Variants in KCTD21 observed in about 807,000 individuals in gnomAD.
KCTD21 encodes BTB/POZ domain-containing protein KCTD21.
KCTD21 carries 9 observed loss-of-function variants against 13.2 expected under a neutral mutation model. That is an observed-to-expected ratio of 0.68 (90% CI 0.41 to 1.19). The LOEUF is 1.19. KCTD21 is among the 50% of genes most tolerant of loss of function. KCTD21 has a pLI of 0.01. For synonymous variants in KCTD21, 142 were observed against 137.4 expected (o/e 1.03, Z -0.23); for missense variants, 303 against 336.5 (o/e 0.90, Z 0.78).
In KCTD21 at chr11:78,171,449, G is replaced by A. The variant is rs935354061; in HGVS notation, c.*2323C>T. ...TCACTGCTTCTGCAACTTCTCTAAA[G>A]TCAAGCTGCTTGGATTAGGGAGCAC... On this transcript the variant is annotated 3_prime_UTR_variant, in exon 2 of 2. Transcript: ENST00000340067. The A allele has an allele frequency of 1.3e-5, 2 of 152,634 alleles. No individual in the cohort carries two copies. The highest frequency in any genetic ancestry group is 4.8e-5 in the African/African-American group (2 of 41,448). 9.5% of individuals were successfully genotyped at this position (152,634 alleles called of 1,614,324 possible). A position where few individuals can be genotyped will look rare whatever the true frequency, so the allele number is the denominator to read the frequency against.
At chr11:78,184,207 T>G (rs550544610) in intron 1 of KCTD21, among the ~76,000 whole-genome samples, 146 of 152,366 alleles carry the variant, frequency 9.6e-4, no homozygotes, top group Non-Finnish European at 1.7e-3. Context: ...TCATGGATAG[T>G]AAGACCCTGA....
chr11:78,179,683 A>G (rs230656), intron 1 of KCTD21, among the ~76,000 whole-genome samples: 84,607 of 151,696 alleles, frequency 0.56, 23,921 homozygotes, highest in Admixed American at 0.66. Context: ...TTTCCCTCTC[A>G]TGTCTAACCC....
At chr11:78,184,761 T>TTTC (rs1555082877) in intron 1 of KCTD21, among the ~76,000 whole-genome samples, 1 of 110,462 alleles carries the variant, frequency 9.1e-6, no homozygotes, top group Non-Finnish European at 1.9e-5. Flanking sequence ...AGAATTTTTT[T>TTTC]TTTCTTGAGA....
At chr11:78,177,598 T>C (rs1347292080) in intron 1 of KCTD21, 1 of 152,286 alleles carries the variant, frequency 6.6e-6, no homozygotes, top group African/African-American at 2.4e-5. Context: ...TGTTGCCCTC[T>C]TTGTAGGACT....
rs57748403 is a variant in KCTD21 at position 78,186,371 on chromosome 11, C to CAAAAAAAAAAAAAAAAAA, written c.-30+2184_-30+2201dup. On this transcript the variant is annotated intron_variant, in intron 1 of 1. Coordinates refer to ENST00000340067, the MANE Select transcript of KCTD21 (RefSeq NM_001029859.3). ...TGGGCAACAGAGTAAGACCCTGTCT[C>CAAAAAAAAAAAAAAAAAA]AAAAAAAAAAAAAAAAAAAAAAAAA... 6.5e-5 allele frequency among the ~76,000 whole-genome samples: 3 copies of CAAAAAAAAAAAAAAAAAA among 45,816 alleles called. 1 individual carries two copies. Among genetic ancestry groups the CAAAAAAAAAAAAAAAAAA allele is most frequent in the African/African-American group, 8.6e-5 (1 of 11,680 alleles). The allele number at this position is 45,816 out of a possible 152,430, so 30.1% of individuals were successfully genotyped here.
At chr11:78,186,721 A>AT in intron 1 of KCTD21, 1 of 985,494 alleles carries the variant, frequency 1.0e-6, no homozygotes, top group African/African-American at 1.7e-5. Flanking sequence ...GACTTCTGCA[A>AT]TTTGGCATCT....
chr11:78,174,489 GGTCAGGGTC>G lies in KCTD21; in HGVS notation c.57_65del (p.Thr20_Thr22del). On this transcript the variant is annotated inframe_deletion, in exon 2 of 2. Transcript: ENST00000340067. ...CGCCTAGCATGGAGTCAGGGAAGCTGGTCAGGGTCGCCAGTGAGGTTGTATAGAGCTTCC... is the reference window on the plus strand; with the variant it reads ...CGCCTAGCATGGAGTCAGGGAAGCTGGCCAGTGAGGTTGTATAGAGCTTCC... The G allele has an allele frequency of 6.2e-7, 1 of 1,614,124 alleles. No individual in the cohort carries two copies. The highest frequency in any genetic ancestry group is 8.5e-7 in the Non-Finnish European group (1 of 1,179,996).
At chr11:78,187,969 G>A (rs1026041216) in intron 1 of KCTD21, 11 of 985,360 alleles carry the variant, frequency 1.1e-5, no homozygotes, top group African/African-American at 1.7e-5. Flanking sequence ...TACTTTTCAG[G>A]GCGTGGGAGG....
intron 1 of KCTD21, among the ~76,000 whole-genome samples, chr11:78,181,404 GA>G (rs1340870651): frequency 6.6e-6 from 1 of 152,220 alleles, no homozygotes; most frequent in Non-Finnish European, 1.5e-5. Context: ...GCCAGCCTCA[GA>G]AGGTTACATG....
rs530828762 is a variant in KCTD21, at chr11:78,184,132, G to C, written c.-30+4441C>G. Among the ~76,000 whole-genome samples the C allele has an allele frequency of 1.8e-4, 27 of 152,304 alleles. 1 individual carries two copies. Among genetic ancestry groups the C allele is most frequent in the Admixed American group, 1.4e-3 (22 of 15,306 alleles). ...CACAGATTACTTATTAATTGTAAGA[G>C]AGAAAAATTTACCTTTACGATAGAG... On this transcript the variant is annotated intron_variant, in intron 1 of 1. Coordinates refer to ENST00000340067, the MANE Select transcript of KCTD21 (RefSeq NM_001029859.3).
Position 78,185,343 on chromosome 11 carries a change from C to T in KCTD21, c.-30+3230G>A, listed in dbSNP as rs547271948. On this transcript the variant is annotated intron_variant, in intron 1 of 1. Coordinates refer to ENST00000340067, the MANE Select transcript of KCTD21 (RefSeq NM_001029859.3). ...TATTTTAAAAGAGGGGGGAAGAACA[C>T]TTCTTCATAGGGCCAATAGATGTAA... Among the ~76,000 whole-genome samples the T allele has an allele frequency of 3.5e-4, 53 of 152,240 alleles. 1 individual carries two copies. The highest frequency in any genetic ancestry group is 1.2e-3 in the African/African-American group (50 of 41,534).
chr11:78,173,891 C>A lies in KCTD21; in HGVS notation c.664G>T (p.Val222Phe). ...PANKQINSFQ[V>F]FVEEVLKIAL... ...ATTTTCAGTACCTCTTCCACGAAGACCTGGAAGCTGTTGATCTGCTTGTTG... is the reference window on the plus strand; with the variant it reads ...ATTTTCAGTACCTCTTCCACGAAGAACTGGAAGCTGTTGATCTGCTTGTTG... The change falls in exon 2 of 2, where the codon GTC (valine) becomes TTC (phenylalanine). Residue 222 changes from valine to phenylalanine, a missense_variant. Val to Phe is a conservative substitution (Grantham distance 50, BLOSUM62 -1). Coordinates refer to ENST00000340067, the MANE Select transcript of KCTD21 (RefSeq NM_001029859.3). 2 of 1,614,160 alleles carry A rather than the reference C, an allele frequency of 1.2e-6. No individual in the cohort carries two copies. Among genetic ancestry groups the A allele is most frequent in the Non-Finnish European group, 1.7e-6 (2 of 1,180,042 alleles).
intron 1 of KCTD21, chr11:78,188,181 T>G (rs1404673837): frequency 3.0e-6 from 3 of 985,156 alleles, no homozygotes; most frequent in Non-Finnish European, 2.4e-6. Context: ...GCTGGCCTCA[T>G]CGGCTTGTTC....
At chr11:78,177,850 G>C (rs868489917) in intron 1 of KCTD21, 1 of 152,274 alleles carries the variant, frequency 6.6e-6, no homozygotes, top group African/African-American at 2.4e-5. Flanking sequence ...CATTACAGGC[G>C]GGGGAGGTCA....
intron 1 of KCTD21, among the ~76,000 whole-genome samples, chr11:78,183,346 GC>G (rs1489734798): frequency 1.3e-5 from 2 of 152,118 alleles, no homozygotes; most frequent in Non-Finnish European, 2.9e-5. Context: ...GACCAGCCTG[GC>G]TAACATGGCA....
At chr11:78,188,073 G>T in intron 1 of KCTD21, 1 of 985,366 alleles carries the variant, frequency 1.0e-6, no homozygotes, top group Non-Finnish European at 1.2e-6. Context: ...ACAGGCTTTT[G>T]CCCACGCCGC....
intron 1 of KCTD21, chr11:78,186,687 GACCA>G (rs1862784786): frequency 1.0e-6 from 1 of 985,170 alleles, no homozygotes; most frequent in South Asian, 4.7e-5. Context: ...CTACTTTACA[GACCA>G]ACCATACTGG....
intron 1 of KCTD21, among the ~76,000 whole-genome samples, chr11:78,183,256 CT>C (rs1324959631): frequency 1.3e-5 from 2 of 152,156 alleles, no homozygotes; most frequent in African/African-American, 2.4e-5. Context: ...AGAGTCCAGG[CT>C]GGGTGCGGTA....
chr11:78,186,880 G>C, intron 1 of KCTD21: 1 of 985,462 alleles, frequency 1.0e-6, no homozygotes, highest in Non-Finnish European at 1.2e-6. Flanking sequence ...TGGATGCCTG[G>C]CTCCCTTGCT....
Sources: allele counts gnomAD v4.1 joint callset (sites outside exome capture counted in the v4.1 genomes callset), GRCh38; gene constraint gnomAD v4.1.1; transcripts MANE v1.5; gene names NCBI Gene and HGNC (gene_info 2026-07-23, HGNC 2026-07-21).